The following TMEM266 variants were observed in gnomAD, a reference collection of about 807,000 sequenced individuals.
TMEM266 encodes the protein transmembrane protein 266.
Under a neutral mutation model 50.5 loss-of-function variants are expected in TMEM266, and 33 were observed. The ratio of observed to expected loss-of-function variants is 0.65; its 90% CI spans 0.50 to 0.87. The LOEUF (loss-of-function observed/expected upper bound fraction) is 0.87, where lower values mean the gene tolerates loss of function less well. Among genes scored for constraint, TMEM266 ranks in the 40% least tolerant of loss-of-function variants. TMEM266 has a pLI of 0.00. For synonymous variants in TMEM266, 310 were observed against 292.3 expected, an observed-to-expected ratio of 1.06 and a Z score of -0.62; for missense variants, 655 against 695.1, an observed-to-expected ratio of 0.94 and a Z score of 0.65.
At chr15:76,066,438 G>A (rs751019155) in intron 1 of TMEM266, among the ~76,000 whole-genome samples, 13 of 152,114 alleles carry the variant, frequency 8.5e-5, no homozygotes, top group Non-Finnish European at 1.8e-4. Context: ...TTTTTAAGAA[G>A]TGTTTAGAAG....
At chr15:76,080,548 C>T (rs1439149904) in intron 1 of TMEM266, among the ~76,000 whole-genome samples, 1 of 150,516 alleles carries the variant, frequency 6.6e-6, no homozygotes, top group African/African-American at 2.4e-5. Flanking sequence ...CGTGCCCTGC[C>T]AAAGGCACCA....
intron 4 of TMEM266, among the ~76,000 whole-genome samples, chr15:76,158,272 T>C (rs1041800075): frequency 2.6e-5 from 4 of 152,208 alleles, no homozygotes; most frequent in African/African-American, 9.6e-5. Context: ...CTGATAAGCC[T>C]AGTTGGGTTT....
intron 6 of TMEM266, 134 bp downstream of exon 6, chr15:76,170,006 G>C: frequency 1.1e-6 from 1 of 873,294 alleles, no homozygotes; most frequent in Non-Finnish European, 1.8e-6. Flanking sequence ...CTGTGGCTGT[G>C]CATGTTGGGT....
intron 1 of TMEM266, among the ~76,000 whole-genome samples, chr15:76,095,153 G>C (rs1477248141): frequency 6.6e-6 from 1 of 152,006 alleles, no homozygotes; most frequent in Non-Finnish European, 1.5e-5. Flanking sequence ...ATACTATGTT[G>C]AATAGGAGTG....
chr15:76,159,145 G>T (rs1202669461), intron 4 of TMEM266, among the ~76,000 whole-genome samples: 1 of 152,104 alleles, frequency 6.6e-6, no homozygotes, highest in Admixed American at 6.5e-5. Context: ...AGTATCCCAG[G>T]GTATCCCACC....
chr15:76,137,928 G>A, intron 3 of TMEM266, 33 bp downstream of exon 3: 2 of 1,527,130 alleles, frequency 1.3e-6, no homozygotes, highest in Non-Finnish European at 1.8e-6. Context: ...TAGCTAAGAA[G>A]TCCCTGGGTT....
intron 4 of TMEM266, among the ~76,000 whole-genome samples, chr15:76,157,128 C>T (rs917810138): frequency 6.6e-6 from 1 of 152,164 alleles, no homozygotes; most frequent in Non-Finnish European, 1.5e-5. Flanking sequence ...AAGAGAGTTC[C>T]CATTTACGGA....
Position 76,084,959 on chromosome 15 carries a change from CT to C in TMEM266, c.-97+24957del, listed in dbSNP as rs1388101806. ...GATTTGCATTTTCTTTTTCTTTTTC[CT>C]TTTTTTTTTTTTTATTGAGACAAGA... On this transcript the variant is annotated intron_variant, in intron 1 of 10. Transcript: ENST00000388942. 3.9e-3 allele frequency among the ~76,000 whole-genome samples: 531 copies of C among 134,858 alleles called. 2 individuals carry two copies. Among genetic ancestry groups the C allele is most frequent in the African/African-American group, 5.7e-3 (212 of 36,988 alleles). 88.5% of individuals were successfully genotyped at this position (134,858 alleles called of 152,430 possible).
chr15:76,104,018 T>A (rs1468034815), intron 1 of TMEM266, among the ~76,000 whole-genome samples: 1 of 149,244 alleles, frequency 6.7e-6, no homozygotes, highest in South Asian at 2.1e-4. Flanking sequence ...CCATCCTGGC[T>A]AACATGATGA....
At position 76,174,365 on chromosome 15, in the gene TMEM266, A is replaced by G. The variant is rs557192849; in HGVS notation, c.653-1194A>G. ...CAGGAGTTTGAGACCAGCCTGGCCA[A>G]CGTGGTGAAATCCCATCTCTACTAA... On this transcript the variant is annotated intron_variant, in intron 7 of 10. Coordinates refer to ENST00000388942, the MANE Select transcript of TMEM266 (RefSeq NM_152335.3). Among the ~76,000 whole-genome samples, 4 of 152,248 alleles carry G rather than the reference A, an allele frequency of 2.6e-5. No homozygotes were observed. In the South Asian group the frequency reaches 8.3e-4, roughly 32 times the overall value.
Position 76,134,161 on chromosome 15 carries a change from T to G in TMEM266, c.-96-7T>G, listed in dbSNP as rs1253189305. The G allele has an allele frequency of 4.6e-6, 6 of 1,317,954 alleles. No individual in the cohort carries two copies. The highest frequency in any genetic ancestry group is 1.8e-4 in the Middle Eastern group (1 of 5,434). 81.6% of individuals were successfully genotyped at this position (1,317,954 alleles called of 1,614,324 possible). The stretch of plus-strand genomic sequence containing the variant: ...TGAAGGTAATAAGTTCCTATTTTTG[T>G]TTTCAGGGCACTATATTTGTATGTG... On this transcript the variant is annotated splice_polypyrimidine_tract_variant and splice_region_variant and intron_variant, in intron 1 of 10. Coordinates refer to ENST00000388942, the MANE Select transcript of TMEM266 (RefSeq NM_152335.3).
chr15:76,159,975 C>T, intron 4 of TMEM266, 120 bp from the exon 5 acceptor site: 1 of 923,794 alleles, frequency 1.1e-6, no homozygotes, highest in Non-Finnish European at 1.7e-6. Context: ...TCCACCAGAT[C>T]TAAACGTTCA....
intron 1 of TMEM266, among the ~76,000 whole-genome samples, chr15:76,064,860 C>G (rs1236774807): frequency 6.6e-6 from 1 of 152,222 alleles, no homozygotes; most frequent in Non-Finnish European, 1.5e-5. Flanking sequence ...CAGCTTCTTT[C>G]CCTTGGCTCA....
intron 1 of TMEM266, among the ~76,000 whole-genome samples, chr15:76,120,854 C>T (rs1189380497): frequency 1.3e-5 from 2 of 149,526 alleles, no homozygotes; most frequent in Admixed American, 6.7e-5. Flanking sequence ...GGGAGTACAA[C>T]ATGAGGCAGG....
At position 76,188,401 on chromosome 15, in the gene TMEM266, G is replaced by A. The variant is rs60482449; in HGVS notation, c.769-3567G>A. 4.5e-3 allele frequency among the ~76,000 whole-genome samples: 685 copies of A among 152,218 alleles called. 6 individuals are homozygous for A. Among genetic ancestry groups the A allele is most frequent in the African/African-American group, 0.016 (649 of 41,536 alleles). On this transcript the variant is annotated intron_variant, in intron 8 of 10. Transcript: ENST00000388942. ...AGGCAGATCATGAGGTCAGGAGTTC[G>A]AGACCAGCCTGGCCAACACGGTGAA...
chr15:76,104,003 C>T (rs564238016), intron 1 of TMEM266, among the ~76,000 whole-genome samples: 3 of 150,530 alleles, frequency 2.0e-5, no homozygotes, highest in East Asian at 3.9e-4. Flanking sequence ...GTCAGGAGAT[C>T]GAGACCATCC....
At chr15:76,203,466 A>G (rs145709123) in intron 10 of TMEM266, among the ~76,000 whole-genome samples, 82 of 152,352 alleles carry the variant, frequency 5.4e-4, no homozygotes, top group Non-Finnish European at 1.1e-3. Context: ...GCTTCTGCCC[A>G]GAAGTGCCAC....
chr15:76,069,452 A>G lies in TMEM266; in HGVS notation c.-97+9436A>G, dbSNP rs528492116. On this transcript the variant is annotated intron_variant, in intron 1 of 10. Coordinates refer to ENST00000388942, the MANE Select transcript of TMEM266 (RefSeq NM_152335.3). ...GAGGAATGTTCCTCTTAAAGAGGAT[A>G]GACTGTCAGAGCTGGAGGAGACCTT... 1.8e-4 allele frequency among the ~76,000 whole-genome samples: 27 copies of G among 152,320 alleles called. No individual in the cohort carries two copies. In the South Asian group the frequency reaches 5.4e-3, roughly 30 times the overall value.
chr15:76,125,477 CAATATAT>C lies in TMEM266; in HGVS notation c.-96-8681_-96-8675del, dbSNP rs936922037. 7.3e-4 allele frequency among the ~76,000 whole-genome samples: 111 copies of C among 151,784 alleles called. 1 individual carries two copies. The highest frequency in any genetic ancestry group is 2.2e-3 in the African/African-American group (92 of 41,422). ...TAATATATAAGGAACCCATACAACT[CAATATAT>C]AATATATAAGGAACCCATATAACTC... On this transcript the variant is annotated intron_variant, in intron 1 of 10. Transcript: ENST00000388942.
Sources: gnomAD v4.1 joint callset for allele counts (sites outside exome capture counted in the v4.1 genomes callset) on GRCh38, gnomAD v4.1.1 for gene constraint, MANE v1.5 for transcripts, NCBI Gene and HGNC (gene_info 2026-07-23, HGNC 2026-07-21) for gene names.